Variants in FCGR3A observed in about 807,000 individuals in gnomAD.
FCGR3A encodes the protein low affinity immunoglobulin gamma Fc region receptor III-A.
A neutral mutation model predicts 24.1 loss-of-function variants in FCGR3A; 13 were observed. The observed-to-expected ratio is 0.54, with a 90% CI of 0.35 to 0.86. FCGR3A has a LOEUF of 0.86. Among genes scored for constraint, FCGR3A ranks in the 40% least tolerant of loss-of-function variants. The pLI, the probability that FCGR3A is intolerant of heterozygous loss-of-function variation, is 0.01. For missense variants in FCGR3A, 235 were observed against 298.0 expected, an observed-to-expected ratio of 0.79 and a Z score of 1.56; for synonymous variants, 93 against 112.2, an observed-to-expected ratio of 0.83 and a Z score of 1.08.
In FCGR3A at chr1:161,548,935, C is replaced by G. The variant is rs544593768; in HGVS notation, c.61+76G>C. The G allele has an allele frequency of 9.3e-6, 14 of 1,505,552 alleles. No homozygotes were observed. The Admixed American group carries it at 1.2e-4, about 13-fold the overall frequency. 93.3% of individuals were successfully genotyped at this position (1,505,552 alleles called of 1,614,324 possible). On this transcript the variant is annotated intron_variant, in intron 2 of 4. Transcript: ENST00000443193. ...CATCAGCATTTTCCCATTCAACAAGCATTTCCCAATATCTTATGGCCTTTG... is the reference window on the plus strand; with the variant it reads ...CATCAGCATTTTCCCATTCAACAAGGATTTCCCAATATCTTATGGCCTTTG...
In FCGR3A at chr1:161,549,713, A is replaced by C. The variant is rs553878486; in HGVS notation, c.24T>G (p.Thr8=). The change falls in exon 1 of 5, where the codon ACT becomes ACG. Residue 8 remains threonine, a synonymous_variant. Transcript: ENST00000443193. ...CTGACTTACCTAGAAGTAGCAGAGC[A>C]GTTGGGAGGAGCAGCTGCCACATGA... is the stretch of plus-strand genomic sequence containing the variant. MWQLLLP[T]ALLLLVSAGM... 1.2e-6 allele frequency: 2 copies of C among 1,613,914 alleles called. No individual in the cohort carries two copies. Among genetic ancestry groups the C allele is most frequent in the Middle Eastern group, 3.3e-4 (2 of 6,060 alleles).
At position 161,549,734 on chromosome 1, in the gene FCGR3A, CATG is replaced by C. The variant is rs1360877683; in HGVS notation, c.-1_2del. ...GAGCAGTTGGGAGGAGCAGCTGCCA[CATG>C]ATGCCACACTGGAGTGGACAAGTCA... On this transcript the variant is annotated start_lost and start_retained_variant and 5_prime_UTR_variant, in exon 1 of 5. Transcript: ENST00000443193. 1.5e-5 allele frequency: 25 copies of C among 1,613,940 alleles called. No homozygotes were observed. The highest frequency in any genetic ancestry group is 2.1e-5 in the Non-Finnish European group (25 of 1,179,906).
In FCGR3A at chr1:161,542,775, C is replaced by A. The variant is rs986036401; in HGVS notation, c.*237G>T. ...GGACAGAAAAAGTGTTTGTGTAGCT[C>A]TGAAACTTCAATTTCTAGGAATGCA... is the stretch of plus-strand genomic sequence containing the variant. On this transcript the variant is annotated 3_prime_UTR_variant, in exon 5 of 5. Transcript: ENST00000443193. The A allele has an allele frequency of 2.4e-6, 1 of 413,984 alleles. No homozygotes were observed. The highest frequency in any genetic ancestry group is 2.0e-5 in the African/African-American group (1 of 50,328). 25.6% of individuals were successfully genotyped at this position (413,984 alleles called of 1,614,324 possible).
chr1:161,546,785 G>T (rs1389196977), intron 3 of FCGR3A, among the ~76,000 whole-genome samples: 1 of 151,782 alleles, frequency 6.6e-6, no homozygotes, highest in African/African-American at 2.4e-5. Context: ...TGCACCTGTA[G>T]TCCCAGCTAC....
chr1:161,541,897 T>G lies in FCGR3A; in HGVS notation c.*1115A>C, dbSNP rs559626994. On this transcript the variant is annotated 3_prime_UTR_variant, in exon 5 of 5. Coordinates refer to ENST00000443193, the MANE Select transcript of FCGR3A (RefSeq NM_000569.8). ...AAAACAGAGACAGCTAAAGCTTTCT[T>G]TCATAAGCAACAATTGTCTTCTCCA... 58 of 152,352 alleles carry G rather than the reference T, an allele frequency of 3.8e-4. No homozygotes were observed. Among genetic ancestry groups the G allele is most frequent in the Non-Finnish European group, 6.5e-4 (44 of 68,008 alleles). 9.4% of individuals were successfully genotyped at this position (152,352 alleles called of 1,614,324 possible). A position where few individuals can be genotyped will look rare whatever the true frequency, so the allele number is the denominator to read the frequency against.
Position 161,548,632 on chromosome 1 carries a change from C to G in FCGR3A, c.108G>C (p.Arg36Ser), listed in dbSNP as rs403016. Residue 36 changes from arginine (R) to serine (S), a missense_variant, in exon 3 of 5, where the codon AGG (arginine) becomes AGC (serine). Coordinates refer to ENST00000443193, the MANE Select transcript of FCGR3A (RefSeq NM_000569.8). ...AVVFLEPQWY[R>S]VLEKDSVTLK... ...GAGTCACACTGTCCTTCTCGAGCAC[C>G]CTGTACCATTGAGGCTCCAGGAACA... 25 of 1,612,512 alleles carry G rather than the reference C, an allele frequency of 1.6e-5. No individual in the cohort carries two copies. In the African/African-American group the frequency reaches 1.6e-4, roughly 10 times the overall value.
chr1:161,547,856 G>A (rs1343454667), intron 3 of FCGR3A, among the ~76,000 whole-genome samples: 1 of 152,300 alleles, frequency 6.6e-6, no homozygotes, highest in Non-Finnish European at 1.5e-5. Context: ...AATCACCTGA[G>A]GTCAGGAGTT....
chr1:161,543,719 G>A (rs1482087979), intron 4 of FCGR3A, among the ~76,000 whole-genome samples: 1 of 152,202 alleles, frequency 6.6e-6, no homozygotes, highest in Non-Finnish European at 1.5e-5. Context: ...TTTACTTTCA[G>A]TTTAAAGTGT....
intron 1 of FCGR3A, among the ~76,000 whole-genome samples, chr1:161,549,260 C>G (rs2102535762): frequency 6.6e-6 from 1 of 151,622 alleles, no homozygotes; most frequent in East Asian, 1.9e-4. Context: ...GCTCCCTTAC[C>G]CCTTGCTCCC....
At chr1:161,549,994 T>C (rs1677685007), upstream of FCGR3A, 1 of 821,638 alleles carries the variant, frequency 1.2e-6, no homozygotes, top group Middle Eastern at 2.3e-4. Flanking sequence ...CCCTCAAAGG[T>C]CTGTGGCTGA....
At chr1:161,547,654 G>A (rs1032054081) in intron 3 of FCGR3A, among the ~76,000 whole-genome samples, 3 of 152,230 alleles carry the variant, frequency 2.0e-5, no homozygotes, top group Admixed American at 6.5e-5. Context: ...TAGCATTGAT[G>A]AGGAGACAGA....
At position 161,542,049 on chromosome 1, in the gene FCGR3A, A is replaced by G. The variant is rs1417795225; in HGVS notation, c.*963T>C. The G allele has an allele frequency of 6.6e-6, 1 of 152,236 alleles. No homozygotes were observed. Among genetic ancestry groups the G allele is most frequent in the Non-Finnish European group, 1.5e-5 (1 of 68,000 alleles). The allele number at this position is 152,236 out of a possible 1,614,324, so 9.4% of individuals were successfully genotyped here. A position where few individuals can be genotyped will look rare whatever the true frequency, so the allele number is the denominator to read the frequency against. ...TTTAATAAATGCAATGAACAAAGCT[A>G]CACAGGAATTAGATATTGAAGCAGA... is the stretch of plus-strand genomic sequence containing the variant. On this transcript the variant is annotated 3_prime_UTR_variant, in exon 5 of 5. Transcript: ENST00000443193.
chr1:161,543,488 A>G (rs1279395422), intron 4 of FCGR3A, among the ~76,000 whole-genome samples: 2 of 152,220 alleles, frequency 1.3e-5, no homozygotes, highest in Non-Finnish European at 2.9e-5. Flanking sequence ...TTTGTGTGAC[A>G]GTTAAGAAAT....
In FCGR3A at chr1:161,542,626, A is replaced by C. The variant is rs530970781; in HGVS notation, c.*386T>G. 20 of 166,234 alleles carry C rather than the reference A, an allele frequency of 1.2e-4. No individual in the cohort carries two copies. In the East Asian group the frequency reaches 2.0e-3, roughly 16 times the overall value. 10.3% of individuals were successfully genotyped at this position (166,234 alleles called of 1,614,324 possible). A position where few individuals can be genotyped will look rare whatever the true frequency, so the allele number is the denominator to read the frequency against. On this transcript the variant is annotated 3_prime_UTR_variant, in exon 5 of 5. Transcript: ENST00000443193. ...AACCATTAATTCTACTTATCCATTT[A>C]TTTAGGAATAATTGTTTTTTTTTCC... is the stretch of plus-strand genomic sequence containing the variant.
chr1:161,544,408 G>A (rs1385913625), intron 4 of FCGR3A, among the ~76,000 whole-genome samples: 3 of 152,024 alleles, frequency 2.0e-5, no homozygotes, highest in East Asian at 1.9e-4. Context: ...TGTGATTAGC[G>A]TAAGGAAAGA....
chr1:161,547,304 C>A (rs550130057), intron 3 of FCGR3A, among the ~76,000 whole-genome samples: 1 of 152,136 alleles, frequency 6.6e-6, no homozygotes, highest in Non-Finnish European at 1.5e-5. Flanking sequence ...GTTTCAGAGG[C>A]CCAATTCCAT....
rs58146774 is a variant in FCGR3A at position 161,541,791 on chromosome 1, C to G, written c.*1221G>C. On this transcript the variant is annotated 3_prime_UTR_variant, in exon 5 of 5. Transcript: ENST00000443193. ...ATTCATATTTTATTACCATGGTTTT[C>G]CCATCTTCTATCTAAGAGTAGCATG... The G allele has an allele frequency of 6.5e-3, 985 of 150,790 alleles. 6 individuals are homozygous for G. Among genetic ancestry groups the G allele is most frequent in the Non-Finnish European group, 9.6e-3 (651 of 67,462 alleles). 9.3% of individuals were successfully genotyped at this position (150,790 alleles called of 1,614,324 possible).
Position 161,543,131 on chromosome 1 carries a change from C to T in FCGR3A, c.646G>A (p.Val216Ile). 1 of 1,613,224 alleles carries T rather than the reference C, an allele frequency of 6.2e-7. No homozygotes were observed. The highest frequency in any genetic ancestry group is 1.3e-5 in the African/African-American group (1 of 74,820). ...GYQVSFCLVM[V>I]LLFAVDTGLY... is the part of the protein sequence containing the mutation. The stretch of plus-strand genomic sequence containing the variant: ...CCTGTGTCCACTGCAAAAAGGAGTA[C>T]CATCACCAAGCAGAAAGAGACTTGG... The change falls in exon 5 of 5, where the codon GTA (valine) becomes ATA (isoleucine). Residue 216 changes from valine (V) to isoleucine (I), a missense_variant. By Grantham distance (29) the Val-to-Ile change is conservative. Transcript: ENST00000443193.
In FCGR3A at chr1:161,544,740, T is replaced by A. The variant is rs1677303776; in HGVS notation, c.538A>T (p.Asn180Tyr). The part of the protein sequence containing the change: ...YFCRGLFGSK[N>Y]VSSETVNITI... The stretch of plus-strand genomic sequence containing the variant: ...ATGTTCACAGTCTCTGAAGACACAT[T>A]TTTACTCCCAAAAAGCCCCCTGCAG... Residue 180 changes from asparagine (N) to tyrosine (Y), a missense_variant, in exon 4 of 5, where the codon AAT (asparagine) becomes TAT (tyrosine). Coordinates refer to ENST00000443193, the MANE Select transcript of FCGR3A (RefSeq NM_000569.8). The A allele has an allele frequency of 6.2e-7, 1 of 1,611,398 alleles. No homozygotes were observed. The highest frequency in any genetic ancestry group is 8.5e-7 in the Non-Finnish European group (1 of 1,177,934).
Sources: allele counts gnomAD v4.1 joint callset (sites outside exome capture counted in the v4.1 genomes callset), GRCh38; gene constraint gnomAD v4.1.1; transcripts MANE v1.5; gene names NCBI Gene and HGNC (gene_info 2026-07-23, HGNC 2026-07-21).